The following KAZN variants were observed in gnomAD, a reference collection of about 807,000 sequenced individuals.
KAZN encodes kazrin, periplakin interacting protein.
Under a neutral mutation model 87.4 loss-of-function variants are expected in KAZN, and 40 were observed. That is an observed-to-expected ratio of 0.46 (90% CI 0.36 to 0.60). The LOEUF (loss-of-function observed/expected upper bound fraction) is 0.60. Ranked by LOEUF, KAZN falls within the 20% of genes least tolerant of loss-of-function variation. KAZN has a pLI of 0.00. For synonymous variants in KAZN, 466 were observed against 458.3 expected, an observed-to-expected ratio of 1.02 and a Z score of -0.22; for missense variants, 898 against 1,073.9, an observed-to-expected ratio of 0.84 and a Z score of 2.29.
At chr1:15,093,546 T>C (rs1286602118) in intron 8 of KAZN, among the ~76,000 whole-genome samples, 1 of 152,152 alleles carries the variant, frequency 6.6e-6, no homozygotes, top group Admixed American at 6.5e-5. Flanking sequence ...TCTGGCCCAG[T>C]GAATCTGCAT....
At chr1:14,638,179 C>T (rs60766808) in intron 1 of KAZN, among the ~76,000 whole-genome samples, 1,628 of 152,310 alleles carry the variant, frequency 0.011, 31 homozygotes, top group African/African-American at 0.038. Flanking sequence ...CTGCAAAGAC[C>T]CTGTTTCCAA....
intron 2 of KAZN, among the ~76,000 whole-genome samples, chr1:14,317,276 C>G (rs1220090862): frequency 6.6e-6 from 1 of 151,854 alleles, no homozygotes; most frequent in East Asian, 1.9e-4. Flanking sequence ...GTACAATATT[C>G]ATCTTTATCC....
chr1:14,236,564 C>T (rs1648440146), intron 2 of KAZN, among the ~76,000 whole-genome samples: 1 of 152,150 alleles, frequency 6.6e-6, no homozygotes, highest in Non-Finnish European at 1.5e-5. Context: ...TCATCCAGCC[C>T]CTTTCAGGTA....
intron 1 of KAZN, among the ~76,000 whole-genome samples, chr1:14,790,173 GT>G (rs529297977): frequency 6.6e-6 from 1 of 150,928 alleles, no homozygotes; most frequent in Non-Finnish European, 1.5e-5. Flanking sequence ...AGCTAATTTT[GT>G]TTTTTTCTTT....
chr1:14,842,648 C>T (rs976817143), intron 1 of KAZN, among the ~76,000 whole-genome samples: 1 of 152,206 alleles, frequency 6.6e-6, no homozygotes, highest in African/African-American at 2.4e-5. Flanking sequence ...ACAATGTTTG[C>T]CTTCATGCTG....
chr1:14,706,331 C>A (rs996517842), intron 1 of KAZN, among the ~76,000 whole-genome samples: 1 of 152,056 alleles, frequency 6.6e-6, no homozygotes, highest in Non-Finnish European at 1.5e-5. Context: ...ACCATCCCCC[C>A]ACCCCGCCAA....
At chr1:15,055,543 C>T (rs988033466) in intron 4 of KAZN, among the ~76,000 whole-genome samples, 2 of 152,108 alleles carry the variant, frequency 1.3e-5, no homozygotes, top group Non-Finnish European at 2.9e-5. Flanking sequence ...TGGTGGGTAA[C>T]CCCCAGGTTA....
intron 1 of KAZN, among the ~76,000 whole-genome samples, chr1:14,033,002 G>A (rs905095346): frequency 2.0e-5 from 3 of 152,168 alleles, no homozygotes; most frequent in Non-Finnish European, 4.4e-5. Context: ...AACTTGCAGG[G>A]TCAAGCATTT....
chr1:14,482,285 C>T (rs1339751223), intron 2 of KAZN, among the ~76,000 whole-genome samples: 2 of 152,148 alleles, frequency 1.3e-5, no homozygotes, highest in African/African-American at 4.8e-5. Flanking sequence ...GGAGCCAGGG[C>T]CCAAAGAAAA....
At chr1:14,241,762 A>G (rs1648955171) in intron 2 of KAZN, among the ~76,000 whole-genome samples, 1 of 152,212 alleles carries the variant, frequency 6.6e-6, no homozygotes, top group Non-Finnish European at 1.5e-5. Context: ...AGAGGACTCA[A>G]CTGGCCTCTG....
At chr1:13,974,465 T>C (rs1416890476) in intron 1 of KAZN, among the ~76,000 whole-genome samples, 1 of 152,204 alleles carries the variant, frequency 6.6e-6, no homozygotes, top group Non-Finnish European at 1.5e-5. Flanking sequence ...ATGTAATTAA[T>C]TAAGGATCTT....
At chr1:14,987,081 A>C (rs572418932) in intron 2 of KAZN, among the ~76,000 whole-genome samples, 48 of 152,324 alleles carry the variant, frequency 3.2e-4, no homozygotes, top group African/African-American at 1.1e-3. Context: ...GTAGAGGAGA[A>C]GCAAGGAATA....
chr1:14,218,838 G>A (rs1348227385), intron 2 of KAZN, among the ~76,000 whole-genome samples: 4 of 152,052 alleles, frequency 2.6e-5, no homozygotes, highest in African/African-American at 9.7e-5. Context: ...ATAACTAAAT[G>A]AAGAATGATT....
intron 2 of KAZN, among the ~76,000 whole-genome samples, chr1:14,589,325 G>T (rs551016333): frequency 1.2e-5 from 1 of 85,618 alleles, no homozygotes; most frequent in Non-Finnish European, 2.3e-5. Context: ...CATAAAACAA[G>T]GCAGGTAAAA....
At chr1:14,262,384 CTT>C (rs1440410837) in intron 2 of KAZN, among the ~76,000 whole-genome samples, 2 of 152,214 alleles carry the variant, frequency 1.3e-5, no homozygotes, top group Non-Finnish European at 2.9e-5. Flanking sequence ...TATGTGGAAA[CTT>C]TTAAAAGCCG....
chr1:14,489,972 T>G (rs966323245), intron 2 of KAZN, among the ~76,000 whole-genome samples: 1 of 152,172 alleles, frequency 6.6e-6, no homozygotes, highest in Non-Finnish European at 1.5e-5. Context: ...TCAAAGGTTG[T>G]GAACTCATTT....
At chr1:15,102,284 G>A (rs1557800722) in intron 11 of KAZN, among the ~76,000 whole-genome samples, 1 of 152,156 alleles carries the variant, frequency 6.6e-6, no homozygotes, top group Non-Finnish European at 1.5e-5. Flanking sequence ...AAGTCTTCAG[G>A]GGGCTCAGGG....
At chr1:14,119,024 A>AAAGC in intron 1 of KAZN, among the ~76,000 whole-genome samples, 4 of 151,364 alleles carry the variant, frequency 2.6e-5, no homozygotes, top group African/African-American at 9.7e-5. Context: ...CTGTCATTGC[A>AAAGC]AAACAAACAA....
intron 2 of KAZN, among the ~76,000 whole-genome samples, chr1:14,547,792 T>C (rs1196322078): frequency 2.6e-5 from 4 of 152,068 alleles, no homozygotes; most frequent in Admixed American, 2.0e-4. Context: ...GGTTTCACCA[T>C]GTCGACCAGG....
Sources: allele counts gnomAD v4.1 joint callset (sites outside exome capture counted in the v4.1 genomes callset), GRCh38; gene constraint gnomAD v4.1.1; transcripts MANE v1.5; gene names NCBI Gene and HGNC (gene_info 2026-07-23, HGNC 2026-07-21).